NF1: variants seen among roughly 807,000 people sequenced by gnomAD.
NF1 encodes the protein neurofibromin.
A neutral mutation model predicts 325.7 loss-of-function variants in NF1; 122 were observed. The observed-to-expected ratio is 0.37, with a 90% confidence interval of 0.32 to 0.44. NF1 has a LOEUF of 0.44. Ranked by LOEUF, NF1 falls within the 20% of genes least tolerant of loss-of-function variation. The probability of loss-of-function intolerance (pLI) is 1.00; values close to 1 mark genes in which losing one functional copy is unlikely to be tolerated. For missense variants in NF1, 2,140 were observed against 3,415.4 expected, an observed-to-expected ratio of 0.63 and a Z score of 9.31; for synonymous variants, 1,091 against 1,186.0, an observed-to-expected ratio of 0.92 and a Z score of 1.65.
rs143119709 is a variant in NF1 at position 31,165,758 on chromosome 17, T to A, written c.479+2382T>A. On this transcript the variant is annotated intron_variant, in intron 4 of 57. Transcript: ENST00000358273. ...AGTCTGGAGTGCAGTGATGTGAACATGTCTCACTGCAGCCTCGACCTCCTG... is the reference window on the plus strand; with the variant it reads ...AGTCTGGAGTGCAGTGATGTGAACAAGTCTCACTGCAGCCTCGACCTCCTG... 4.2e-3 allele frequency among the ~76,000 whole-genome samples: 641 copies of A among 152,314 alleles called. 2 individuals carry two copies. The highest frequency in any genetic ancestry group is 5.5e-3 in the Non-Finnish European group (375 of 68,032).
intron 36 of NF1, among the ~76,000 whole-genome samples, chr17:31,303,129 C>T (rs974180439): frequency 6.6e-6 from 1 of 152,166 alleles, no homozygotes; most frequent in African/African-American, 2.4e-5. Flanking sequence ...CTATGTTCTA[C>T]TCTGAAAATC....
chr17:31,185,712 AC>A (rs2066226050), intron 8 of NF1, among the ~76,000 whole-genome samples: 1 of 152,158 alleles, frequency 6.6e-6, no homozygotes, highest in Admixed American at 6.5e-5. Flanking sequence ...GACCCAAAGA[AC>A]TGCCAGTTTT....
At chr17:31,142,836 C>T (rs1178446197) in intron 1 of NF1, among the ~76,000 whole-genome samples, 2 of 151,116 alleles carry the variant, frequency 1.3e-5, no homozygotes, top group Admixed American at 1.3e-4. Flanking sequence ...CACTGTACTC[C>T]AGCCTGGGCG....
chr17:31,147,255 C>T (rs1916642772), intron 1 of NF1, among the ~76,000 whole-genome samples: 1 of 152,148 alleles, frequency 6.6e-6, no homozygotes, highest in Non-Finnish European at 1.5e-5. Context: ...TTCCAGGGAT[C>T]TATCCTGACT....
intron 8 of NF1, among the ~76,000 whole-genome samples, chr17:31,187,508 C>G (rs550891868): frequency 6.6e-6 from 1 of 152,256 alleles, no homozygotes; most frequent in South Asian, 2.1e-4. Context: ...CTGGTCTTAA[C>G]CATGTTCCCA....
intron 36 of NF1, 21 bp downstream of exon 36, chr17:31,265,360 G>C: frequency 6.4e-7 from 1 of 1,560,970 alleles, no homozygotes; most frequent in Admixed American, 1.7e-5. Context: ...CTATGTTTTG[G>C]GTCTCTTAAC....
chr17:31,375,621 G>A lies in NF1; in HGVS notation c.*1466G>A, dbSNP rs934241550. 4 of 232,374 alleles carry A rather than the reference G, an allele frequency of 1.7e-5. No individual in the cohort carries two copies. Among genetic ancestry groups the A allele is most frequent in the African/African-American group, 6.7e-5 (3 of 45,056 alleles). The allele number at this position is 232,374 out of a possible 1,614,324, so 14.4% of individuals were successfully genotyped here. A position where few individuals can be genotyped will look rare whatever the true frequency, so the allele number is the denominator to read the frequency against. On this transcript the variant is annotated 3_prime_UTR_variant, in exon 58 of 58. Coordinates refer to ENST00000358273, the MANE Select transcript of NF1 (RefSeq NM_001042492.3). Reference sequence around the variant, plus strand: ...TCCCTTTATATGTTAAGATATAATGGCTTTGAGGGGGGAAAAAATAAACCT... The same window carrying A: ...TCCCTTTATATGTTAAGATATAATGACTTTGAGGGGGGAAAAAATAAACCT...
At chr17:31,203,316 A>C (rs182992231) in intron 11 of NF1, among the ~76,000 whole-genome samples, 1 of 152,218 alleles carries the variant, frequency 6.6e-6, no homozygotes, top group Non-Finnish European at 1.5e-5. Context: ...TTTTATAAAG[A>C]AAAAAACTAC....
At position 31,352,308 on chromosome 17, in the gene NF1, C is replaced by A. The variant is rs1555536359; in HGVS notation, c.7509C>A (p.Tyr2503Ter). The A allele has an allele frequency of 6.2e-7, 1 of 1,614,070 alleles. No individual in the cohort carries two copies. The highest frequency in any genetic ancestry group is 8.5e-7 in the Non-Finnish European group (1 of 1,180,002). Residue 2503 changes from tyrosine (Y) to a stop codon, truncating the protein, a stop_gained, in exon 51 of 58, where the codon TAC becomes TAA. Transcript: ENST00000358273. LOFTEE classifies it high-confidence loss of function. ...PWSSPKGSEG[Y>*]LAATYPTVGQ... is the part of the protein sequence containing the mutation. ...CCTCTCCCAAAGGTTCTGAAGGATA[C>A]CTTGCAGCCACCTATCCAACTGTCG...
chr17:31,143,495 TC>T (rs1567809028), intron 1 of NF1, among the ~76,000 whole-genome samples: 3 of 152,018 alleles, frequency 2.0e-5, no homozygotes, highest in African/African-American at 7.2e-5. Flanking sequence ...GGTCTGAAAC[TC>T]CTGGGCTCAA....
In NF1 at chr17:31,111,287, G is replaced by A. The variant is rs150454919; in HGVS notation, c.60+15918G>A. Among the ~76,000 whole-genome samples the A allele has an allele frequency of 3.9e-5, 6 of 152,064 alleles. No homozygotes were observed. In the East Asian group the frequency reaches 1.2e-3, roughly 29 times the overall value. On this transcript the variant is annotated intron_variant, in intron 1 of 57. Coordinates refer to ENST00000358273, the MANE Select transcript of NF1 (RefSeq NM_001042492.3). Reference sequence around the variant, plus strand: ...GTGGAACATTAGTAAAAAGTCTAATGTGTAATTGGAGACCCAAAAGTAGAG... The same window carrying A: ...GTGGAACATTAGTAAAAAGTCTAATATGTAATTGGAGACCCAAAAGTAGAG...
chr17:31,103,043 GC>G (rs1389007461), intron 1 of NF1, among the ~76,000 whole-genome samples: 1 of 151,584 alleles, frequency 6.6e-6, no homozygotes, highest in African/African-American at 2.4e-5. Flanking sequence ...ACAAGGGTTC[GC>G]CATGTTAGCT....
At position 31,155,964 on chromosome 17, in the gene NF1, T is replaced by G. The variant is rs185325140; in HGVS notation, c.61-19T>G. On this transcript the variant is annotated intron_variant, in intron 1 of 57. Coordinates refer to ENST00000358273, the MANE Select transcript of NF1 (RefSeq NM_001042492.3). ...TAAGGATAAGCTGTTAACGTGTTTT[T>G]TTTTTCTTTTTTTTTCAGCTTCCAA... 3 of 1,611,206 alleles carry G rather than the reference T, an allele frequency of 1.9e-6. No individual in the cohort carries two copies. Among genetic ancestry groups the G allele is most frequent in the Non-Finnish European group, 2.5e-6 (3 of 1,178,900 alleles).
chr17:31,201,283 G>A (rs777691038), intron 10 of NF1, 124 bp downstream of exon 10: 62 of 1,477,004 alleles, frequency 4.2e-5, no homozygotes, highest in Admixed American at 9.4e-5. Context: ...ATTGATGTTC[G>A]TTTCAAGACC....
At position 31,182,394 on chromosome 17, in the gene NF1, A is replaced by G. The variant is rs17879717; in HGVS notation, c.731-114A>G. 1.9e-3 allele frequency: 1,859 copies of G among 956,166 alleles called. 25 individuals are homozygous for G. The African/African-American group carries it at 0.027, about 14-fold the overall frequency. 59.2% of individuals were successfully genotyped at this position (956,166 alleles called of 1,614,324 possible). A position where few individuals can be genotyped will look rare whatever the true frequency, so the allele number is the denominator to read the frequency against. On this transcript the variant is annotated intron_variant, in intron 7 of 57. Coordinates refer to ENST00000358273, the MANE Select transcript of NF1 (RefSeq NM_001042492.3). Reference sequence around the variant, plus strand: ...TGTGTAGTTGCTTAAATGAAGTTCCATGTTTATCTTTTAAAAATGTTGCCC... The same window carrying G: ...TGTGTAGTTGCTTAAATGAAGTTCCGTGTTTATCTTTTAAAAATGTTGCCC...
At chr17:31,111,832 AAG>A (rs1913443905) in intron 1 of NF1, among the ~76,000 whole-genome samples, 1 of 152,154 alleles carries the variant, frequency 6.6e-6, no homozygotes, top group African/African-American at 2.4e-5. Flanking sequence ...ACACTCGGGT[AAG>A]TGTGTGAGTA....
rs763851410 is a variant in NF1 at position 31,330,386 on chromosome 17, C to T, written c.5700C>T (p.Ile1900=). The T allele has an allele frequency of 6.2e-7, 1 of 1,613,816 alleles. No homozygotes were observed. Among genetic ancestry groups the T allele is most frequent in the Non-Finnish European group, 8.5e-7 (1 of 1,179,752 alleles). ...TACTAGAGACATCAGGTTTATGTAT[C>T]CCTGCCAACAACACCCTCTTTATTG... The part of the protein sequence containing the change: ...GQLLETSGLC[I]PANNTLFIVS... The change falls in exon 39 of 58, where the codon ATC becomes ATT. Residue 1900 remains isoleucine, a synonymous_variant. Transcript: ENST00000358273.
intron 36 of NF1, chr17:31,320,281 G>C (rs1217011478): frequency 9.9e-7 from 1 of 1,010,334 alleles, no homozygotes; most frequent in Admixed American, 3.0e-5. Context: ...GAAATTGCCT[G>C]GTTAAGAACC....
chr17:31,096,764 T>C (rs1197439169), intron 1 of NF1, among the ~76,000 whole-genome samples: 1 of 152,220 alleles, frequency 6.6e-6, no homozygotes, highest in Non-Finnish European at 1.5e-5. Context: ...GCTATGTAGA[T>C]AAAATAGAGT....
Sources: gnomAD v4.1 joint callset for allele counts (sites outside exome capture counted in the v4.1 genomes callset) on GRCh38, gnomAD v4.1.1 for gene constraint, MANE v1.5 for transcripts, NCBI Gene and HGNC (gene_info 2026-07-23, HGNC 2026-07-21) for gene names.